Variants in KHDC1 observed in about 807,000 individuals in gnomAD.
KHDC1 encodes KH domain containing 1, also known as KH homology domain-containing protein 1.
Under a neutral mutation model 24.7 loss-of-function variants are expected in KHDC1, and 21 were observed. That is an observed-to-expected ratio of 0.85 (90% CI 0.60 to 1.23). The LOEUF (loss-of-function observed/expected upper bound fraction) is 1.23. Among genes scored for constraint, KHDC1 ranks in the 50% most tolerant of loss-of-function variants. The pLI is 0.00. For synonymous variants in KHDC1, 98 were observed against 111.7 expected, an observed-to-expected ratio of 0.88 and a Z score of 0.77; for missense variants, 274 against 298.5, an observed-to-expected ratio of 0.92 and a Z score of 0.61.
At chr6:73,308,202 G>A (rs1349125561) in intron 1 of KHDC1, among the ~76,000 whole-genome samples, 2 of 151,040 alleles carry the variant, frequency 1.3e-5, no homozygotes, top group East Asian at 3.9e-4. Flanking sequence ...AGCCTCCCGA[G>A]TAGCTGGGAC....
chr6:73,263,287 G>C, intron 2 of KHDC1, 91 bp from the exon 1 acceptor site: 1 of 985,662 alleles, frequency 1.0e-6, no homozygotes, highest in Non-Finnish European at 1.2e-6. Flanking sequence ...ACAGCCTGCG[G>C]AGCCCACTGC....
chr6:73,285,654 T>C (rs191699804), intron 2 of KHDC1, among the ~76,000 whole-genome samples: 1,872 of 151,508 alleles, frequency 0.012, 39 homozygotes, highest in African/African-American at 0.042. Context: ...TTTTTCTTTT[T>C]TTTTTTTTTT....
rs1217954578 is a variant in KHDC1 at position 73,303,564 on chromosome 6, C to T, written c.163+5988G>A. ...GCCAAGTGATCAAAATTAACATCACCTGTCCTGAAATACGATGCACTGAGA... is the reference window on the plus strand; with the variant it reads ...GCCAAGTGATCAAAATTAACATCACTTGTCCTGAAATACGATGCACTGAGA... On this transcript the variant is annotated intron_variant, in intron 1 of 4. Transcript: ENST00000370384. Among the ~76,000 whole-genome samples the T allele has an allele frequency of 2.0e-5, 3 of 152,190 alleles. No individual in the cohort carries two copies. In the East Asian group the frequency reaches 5.8e-4, roughly 29 times the overall value.
chr6:73,282,899 A>G (rs939510887), intron 2 of KHDC1, among the ~76,000 whole-genome samples: 18 of 152,358 alleles, frequency 1.2e-4, no homozygotes, highest in Admixed American at 9.8e-4. Flanking sequence ...TTGAGTAATG[A>G]TAAAACTCTG....
At chr6:73,303,664 C>T (rs1421332884) in intron 1 of KHDC1, among the ~76,000 whole-genome samples, 1 of 152,150 alleles carries the variant, frequency 6.6e-6, no homozygotes, top group Non-Finnish European at 1.5e-5. Flanking sequence ...GAGAAAACAT[C>T]AGACAAACCC....
rs1766697582 is a variant in KHDC1 at position 73,247,883 on chromosome 6, G to GAA, written c.207-5355_207-5354dup. Among the ~76,000 whole-genome samples the GAA allele has an allele frequency of 5.4e-5, 8 of 149,280 alleles. No homozygotes were observed. In the South Asian group the frequency reaches 1.7e-3, roughly 32 times the overall value. On this transcript the variant is annotated intron_variant, in intron 2 of 4. Coordinates refer to ENST00000370384, the Ensembl canonical transcript of KHDC1. ...AAAAAAAAAAAAAAAAAGAGAGAGA[G>GAA]AATCAAGTGGAAGTGGTAGCCCCTT... is the stretch of plus-strand genomic sequence containing the variant.
chr6:73,244,710 G>GC (rs1476842179), intron 2 of KHDC1, among the ~76,000 whole-genome samples: 4 of 143,238 alleles, frequency 2.8e-5, no homozygotes, highest in Non-Finnish European at 6.1e-5. Flanking sequence ...GGCGGGGGGG[G>GC]GCTCCGTAAG....
At chr6:73,267,209 GT>G (rs1242048608) in intron 2 of KHDC1, among the ~76,000 whole-genome samples, 2 of 152,128 alleles carry the variant, frequency 1.3e-5, no homozygotes, top group African/African-American at 2.4e-5. Flanking sequence ...GCCAAGCACA[GT>G]GGCTTACGCC....
At chr6:73,309,573 G>A (rs1374955417) in exon 1 of KHDC1, 3 of 1,530,566 alleles carry the variant, frequency 2.0e-6, no homozygotes, top group Non-Finnish European at 2.6e-6. Flanking sequence ...CGGATCCAAA[G>A]GTGGAAAGAC....
intron 2 of KHDC1, among the ~76,000 whole-genome samples, chr6:73,255,164 T>G (rs1421175503): frequency 6.7e-6 from 1 of 150,024 alleles, no homozygotes; most frequent in Non-Finnish European, 1.5e-5. Flanking sequence ...CAAATGAAAA[T>G]GACTTAGCTG....
At chr6:73,254,975 T>C (rs1020098240) in intron 2 of KHDC1, among the ~76,000 whole-genome samples, 2 of 151,502 alleles carry the variant, frequency 1.3e-5, no homozygotes, top group Non-Finnish European at 2.9e-5. Context: ...GCACTCCAGC[T>C]TGAGGAACAA....
At chr6:73,308,721 C>A (rs1768021016) in intron 1 of KHDC1, among the ~76,000 whole-genome samples, 1 of 152,144 alleles carries the variant, frequency 6.6e-6, no homozygotes, top group South Asian at 2.1e-4. Flanking sequence ...GCTGTGACTT[C>A]TGGGCTCAAG....
intron 2 of KHDC1, among the ~76,000 whole-genome samples, chr6:73,272,596 A>G (rs933969630): frequency 1.3e-5 from 2 of 151,664 alleles, no homozygotes; most frequent in Non-Finnish European, 2.9e-5. Flanking sequence ...CCAACATGGT[A>G]AGACCCTGTC....
At chr6:73,268,555 G>T (rs114328585) in intron 2 of KHDC1, 17,743 of 152,088 alleles carry the variant, frequency 0.12, 1,324 homozygotes, top group East Asian at 0.21. Flanking sequence ...TTTTGGACAG[G>T]GCGCTGAATG....
At chr6:73,252,139 C>T (rs1448051013) in intron 2 of KHDC1, among the ~76,000 whole-genome samples, 1 of 151,638 alleles carries the variant, frequency 6.6e-6, no homozygotes, top group African/African-American at 2.4e-5. Context: ...ACCTCCCAGG[C>T]TCAAACAATT....
At chr6:73,244,917 G>T (rs1766638520) in intron 2 of KHDC1, among the ~76,000 whole-genome samples, 1 of 152,142 alleles carries the variant, frequency 6.6e-6, no homozygotes, top group Non-Finnish European at 1.5e-5. Flanking sequence ...AACAGAGCAA[G>T]ACCCTGTCTC....
intron 2 of KHDC1, among the ~76,000 whole-genome samples, chr6:73,271,226 G>C (rs886157689): frequency 6.6e-6 from 1 of 151,154 alleles, no homozygotes; most frequent in South Asian, 2.1e-4. Context: ...GTTGTTGGGG[G>C]GGACAGAATC....
chr6:73,293,238 G>A lies in KHDC1; in HGVS notation c.164-1198C>T, dbSNP rs142580653. On this transcript the variant is annotated intron_variant, in intron 1 of 4. Transcript: ENST00000370384. ...AACTTAATGACAATAGCAGGTCAGAGGCTCCTAACTGGGCAACTCAAGATT... is the reference window on the plus strand; with the variant it reads ...AACTTAATGACAATAGCAGGTCAGAAGCTCCTAACTGGGCAACTCAAGATT... The A allele has an allele frequency of 1.1e-3, 733 of 664,964 alleles. 3 individuals are homozygous for A. The highest frequency in any genetic ancestry group is 6.4e-3 in the Middle Eastern group (17 of 2,664). The allele number at this position is 664,964 out of a possible 1,614,324, so 41.2% of individuals were successfully genotyped here.
At chr6:73,292,635 C>T in intron 1 of KHDC1, 1 of 757,924 alleles carries the variant, frequency 1.3e-6, no homozygotes, top group Non-Finnish European at 2.5e-6. Flanking sequence ...TCAATCACCC[C>T]AAAGGTTGTG....
Sources: allele counts gnomAD v4.1 joint callset (sites outside exome capture counted in the v4.1 genomes callset), GRCh38; gene constraint gnomAD v4.1.1; transcripts MANE v1.5; gene names NCBI Gene and HGNC (gene_info 2026-07-23, HGNC 2026-07-21).